TTC29: variants seen among roughly 807,000 people sequenced by gnomAD.
TTC29 encodes tetratricopeptide repeat domain 29.
In TTC29, 49 loss-of-function variants were observed where a neutral mutation model predicts 58.1. The observed-to-expected ratio is 0.84, with a 90% CI of 0.67 to 1.07. The LOEUF is 1.07. Ranked by LOEUF, TTC29 falls within the 50% of genes least tolerant of loss-of-function variation. The pLI is 0.00. For synonymous variants in TTC29, 209 were observed against 196.8 expected (o/e 1.06, Z -0.52); for missense variants, 582 against 555.6 (o/e 1.05, Z -0.48).
intron 7 of TTC29, among the ~76,000 whole-genome samples, chr4:146,872,339 T>C (rs1208506861): frequency 6.6e-6 from 1 of 152,064 alleles, no homozygotes; most frequent in Non-Finnish European, 1.5e-5. Context: ...GGTCAAAGCC[T>C]TCTTATTGAT....
intron 2 of TTC29, among the ~76,000 whole-genome samples, chr4:146,940,247 G>A (rs995353273): frequency 1.3e-5 from 2 of 152,174 alleles, no homozygotes; most frequent in Non-Finnish European, 2.9e-5. Context: ...AGATTTTAAG[G>A]ATAGCTATGG....
intron 11 of TTC29, among the ~76,000 whole-genome samples, chr4:146,738,297 A>G (rs894431853): frequency 1.2e-4 from 18 of 152,228 alleles, no homozygotes; most frequent in Non-Finnish European, 1.8e-4. Flanking sequence ...TATTACATTA[A>G]CAACTTTAAG....
chr4:146,878,375 G>A (rs975129477), intron 6 of TTC29, among the ~76,000 whole-genome samples: 1 of 152,058 alleles, frequency 6.6e-6, no homozygotes, highest in African/African-American at 2.4e-5. Flanking sequence ...TTTCCTGAAG[G>A]CCTATTAGGT....
At chr4:146,817,652 T>C (rs1254807314) in intron 10 of TTC29, among the ~76,000 whole-genome samples, 1 of 152,282 alleles carries the variant, frequency 6.6e-6, no homozygotes, top group East Asian at 1.9e-4. Context: ...AGAACAAAGC[T>C]GGAGGCATCA....
At chr4:146,873,157 C>T (rs41392745) in intron 7 of TTC29, among the ~76,000 whole-genome samples, 18,881 of 152,050 alleles carry the variant, frequency 0.12, 1,458 homozygotes, top group East Asian at 0.2. Flanking sequence ...GCTTAAATAC[C>T]ATGTAAACCA....
intron 4 of TTC29, among the ~76,000 whole-genome samples, chr4:146,927,057 G>A (rs1202119224): frequency 1.5e-5 from 2 of 135,056 alleles, no homozygotes; most frequent in African/African-American, 2.7e-5. Context: ...CTCCAGCCTG[G>A]GCAACAGAGC....
At chr4:146,890,778 C>T (rs1208847202) in intron 6 of TTC29, among the ~76,000 whole-genome samples, 1 of 152,134 alleles carries the variant, frequency 6.6e-6, no homozygotes, top group African/African-American at 2.4e-5. Context: ...TGGGTTTGCT[C>T]CAGAAGCCAG....
intron 8 of TTC29, among the ~76,000 whole-genome samples, chr4:146,837,689 A>G (rs1728601081): frequency 6.6e-6 from 1 of 152,032 alleles, no homozygotes; most frequent in South Asian, 2.1e-4. Context: ...TGAGGGGTGC[A>G]CTGCACTTGA....
chr4:146,938,581 G>GTA, intron 3 of TTC29, among the ~76,000 whole-genome samples: 1 of 152,114 alleles, frequency 6.6e-6, no homozygotes. Context: ...AAATATGTAT[G>GTA]TATATATATT....
chr4:146,715,205 T>C (rs1279306133), intron 11 of TTC29, among the ~76,000 whole-genome samples: 3 of 152,096 alleles, frequency 2.0e-5, no homozygotes, highest in Admixed American at 2.0e-4. Context: ...TATGGAGGTT[T>C]CTCAAAAAAC....
chr4:146,838,935 A>G (rs1728677704), intron 8 of TTC29, among the ~76,000 whole-genome samples: 3 of 152,014 alleles, frequency 2.0e-5, no homozygotes, highest in Non-Finnish European at 2.9e-5. Context: ...TATGAGAACT[A>G]TCACTTCAGG....
Position 146,708,333 on chromosome 4 carries a change from TATATATATATATATATATATATAC to T in TTC29, c.1331-806_1331-783del, listed in dbSNP as rs1420734226. Among the ~76,000 whole-genome samples the T allele has an allele frequency of 9.2e-3, 673 of 73,118 alleles. 35 individuals carry two copies. Among genetic ancestry groups the T allele is most frequent in the East Asian group, 0.067 (183 of 2,724 alleles). The allele number at this position is 73,118 out of a possible 152,430, so 48.0% of individuals were successfully genotyped here. On this transcript the variant is annotated intron_variant, in intron 11 of 12. Coordinates refer to ENST00000325106, the MANE Select transcript of TTC29 (RefSeq NM_031956.4). Reference sequence around the variant, plus strand: ...TTATATATATATATATATATATATATATATATATATATATATATATATACACATGTATGTGTGTGTATATATATA... The same window carrying T: ...TTATATATATATATATATATATATATACATGTATGTGTGTGTATATATATA...
At chr4:146,708,357 C>CATGTGTATATATATATATATATATAT (rs1561047198) in intron 11 of TTC29, among the ~76,000 whole-genome samples, 2 of 16,834 alleles carry the variant, frequency 1.2e-4, no homozygotes, top group African/African-American at 2.8e-4. Context: ...TATATATATA[C>CATGTGTATATATATATATATATATAT]ACATGTATGT....
At chr4:146,860,696 C>T (rs112269194) in intron 8 of TTC29, among the ~76,000 whole-genome samples, 12 of 152,184 alleles carry the variant, frequency 7.9e-5, no homozygotes, top group African/African-American at 1.7e-4. Flanking sequence ...TTTTTATTTC[C>T]GAAATTTTTC....
chr4:146,808,677 A>G (rs1297408690), intron 10 of TTC29, among the ~76,000 whole-genome samples: 1 of 152,182 alleles, frequency 6.6e-6, no homozygotes, highest in African/African-American at 2.4e-5. Flanking sequence ...TACAACTTAC[A>G]GGGATGTGAA....
chr4:146,945,351 T>C (rs192549450), intron 1 of TTC29: 5 of 152,308 alleles, frequency 3.3e-5, no homozygotes, highest in African/African-American at 1.2e-4. Context: ...GGATAACCAT[T>C]TGTTCTCTCA....
At chr4:146,859,241 C>T (rs1193880943) in intron 8 of TTC29, among the ~76,000 whole-genome samples, 1 of 152,086 alleles carries the variant, frequency 6.6e-6, no homozygotes, top group Non-Finnish European at 1.5e-5. Flanking sequence ...ATCCTGCAGA[C>T]ATTCAGAACT....
At chr4:146,765,870 C>T (rs1485850306) in intron 11 of TTC29, among the ~76,000 whole-genome samples, 9 of 152,088 alleles carry the variant, frequency 5.9e-5, no homozygotes, top group African/African-American at 2.2e-4. Flanking sequence ...CTGTCAATAA[C>T]ATTGACAGAA....
chr4:146,921,227 C>G (rs540710893), intron 4 of TTC29, among the ~76,000 whole-genome samples: 1 of 151,232 alleles, frequency 6.6e-6, no homozygotes, highest in South Asian at 2.1e-4. Context: ...TATAAAAGAT[C>G]TTGTATATAA....
Sources: gnomAD v4.1 joint callset for allele counts (sites outside exome capture counted in the v4.1 genomes callset) on GRCh38, gnomAD v4.1.1 for gene constraint, MANE v1.5 for transcripts, NCBI Gene and HGNC (gene_info 2026-07-23, HGNC 2026-07-21) for gene names.